Variants in ADAMTS2 observed in about 807,000 individuals in gnomAD.
The protein encoded by ADAMTS2 is A disintegrin and metalloproteinase with thrombospondin motifs 2.
Under a neutral mutation model 123.0 loss-of-function variants are expected in ADAMTS2, and 50 were observed. The ratio of observed to expected loss-of-function variants is 0.41; its 90% CI spans 0.32 to 0.51. The LOEUF (loss-of-function observed/expected upper bound fraction) is 0.51, where lower values mean the gene tolerates loss of function less well. Ranked by LOEUF, ADAMTS2 falls within the 20% of genes least tolerant of loss-of-function variation. The pLI, the probability that ADAMTS2 is intolerant of heterozygous loss-of-function variation, is 0.35. For missense variants in ADAMTS2, 1,494 were observed against 1,705.2 expected (o/e 0.88, Z 2.18); for synonymous variants, 678 against 695.4 (o/e 0.98, Z 0.39).
chr5:179,148,564 C>T (rs763378307), intron 10 of ADAMTS2, among the ~76,000 whole-genome samples: 2 of 152,158 alleles, frequency 1.3e-5, no homozygotes, highest in Admixed American at 6.5e-5. Flanking sequence ...TGAAAGTGCG[C>T]CCTGGAATTC....
intron 2 of ADAMTS2, among the ~76,000 whole-genome samples, chr5:179,278,195 A>G (rs35303320): frequency 0.32 from 40,812 of 125,746 alleles, 7,911 homozygotes; most frequent in Admixed American, 0.41. Context: ...GACCCCCCCA[A>G]GACCATCAGC....
At chr5:179,287,399 C>G (rs1443134314) in intron 2 of ADAMTS2, among the ~76,000 whole-genome samples, 1 of 152,214 alleles carries the variant, frequency 6.6e-6, no homozygotes, top group Non-Finnish European at 1.5e-5. Flanking sequence ...GGCCTCAGGA[C>G]CCCTCCGCCA....
chr5:179,132,094 G>T lies in ADAMTS2; in HGVS notation c.2290+136C>A. ...CCAGGTGGGCTGAGCAGAGGGACAG[G>T]TTGGGGAGGGGCTGCCCTGGCTCAG... On this transcript the variant is annotated intron_variant, in intron 15 of 21. Coordinates refer to ENST00000251582, the MANE Select transcript of ADAMTS2 (RefSeq NM_014244.5). This position sits in a 1 kb window ranked among gnomAD's most constrained non-coding sequence, Gnocchi z 6.1. 1 of 836,570 alleles carries T rather than the reference G, an allele frequency of 1.2e-6. No homozygotes were observed. The highest frequency in any genetic ancestry group is 2.0e-6 in the Non-Finnish European group (1 of 507,126). The allele number at this position is 836,570 out of a possible 1,614,324, so 51.8% of individuals were successfully genotyped here.
chr5:179,253,109 C>T (rs1456449497), intron 3 of ADAMTS2, among the ~76,000 whole-genome samples: 3 of 152,192 alleles, frequency 2.0e-5, no homozygotes, highest in Admixed American at 6.5e-5. Flanking sequence ...CCATACTTTA[C>T]TTTCCACTTT....
chr5:179,284,942 G>A (rs996895731), intron 2 of ADAMTS2, among the ~76,000 whole-genome samples: 1 of 152,258 alleles, frequency 6.6e-6, no homozygotes, highest in Non-Finnish European at 1.5e-5. Flanking sequence ...ACTCTGCCTC[G>A]ATTCAAATGT....
At chr5:179,156,872 C>T (rs1220851603) in intron 6 of ADAMTS2, among the ~76,000 whole-genome samples, 4 of 150,014 alleles carry the variant, frequency 2.7e-5, no homozygotes, top group Admixed American at 2.0e-4. Flanking sequence ...TGTTTTACAT[C>T]TTGGTCCATC....
chr5:179,148,070 C>T (rs985786916), intron 10 of ADAMTS2, among the ~76,000 whole-genome samples: 3 of 152,070 alleles, frequency 2.0e-5, no homozygotes, highest in South Asian at 2.1e-4. Context: ...CATGGCTCCC[C>T]ACTCGCAGCA....
In ADAMTS2 at chr5:179,262,982, CTATTATTCCCCCATGATTTGGGGAGCAG is replaced by C. The variant is rs1246621798; in HGVS notation, c.688+9901_688+9928del. On this transcript the variant is annotated intron_variant, in intron 3 of 21. Transcript: ENST00000251582. The surrounding 1 kb of genome is among the most constrained non-coding windows in gnomAD (Gnocchi z 5.9). Reference sequence around the variant, plus strand: ...CCCCTAAGCAGTAGAGCTGCTAATGCTATTATTCCCCCATGATTTGGGGAGCAGTATTATTCCCCCATGATTTGGGGAG... The same window carrying C: ...CCCCTAAGCAGTAGAGCTGCTAATGCTATTATTCCCCCATGATTTGGGGAG... Among the ~76,000 whole-genome samples, 2,557 of 150,800 alleles carry C rather than the reference CTATTATTCCCCCATGATTTGGGGAGCAG, an allele frequency of 0.017. 18 individuals are homozygous for C. Among genetic ancestry groups the C allele is most frequent in the Middle Eastern group, 0.057 (16 of 282 alleles).
intron 3 of ADAMTS2, among the ~76,000 whole-genome samples, chr5:179,250,336 T>C (rs895758114): frequency 1.3e-5 from 2 of 151,886 alleles, no homozygotes; most frequent in Non-Finnish European, 2.9e-5. Flanking sequence ...AATAAATAAA[T>C]AAAAGGCATC....
intron 4 of ADAMTS2, among the ~76,000 whole-genome samples, chr5:179,187,984 G>A (rs1282943059): frequency 6.6e-6 from 1 of 152,154 alleles, no homozygotes; most frequent in Non-Finnish European, 1.5e-5. Context: ...CCTGGGAGGT[G>A]GCCTGCGGCT....
intron 3 of ADAMTS2, among the ~76,000 whole-genome samples, chr5:179,213,084 C>T (rs1342012646): frequency 4.6e-5 from 7 of 152,034 alleles, no homozygotes; most frequent in African/African-American, 9.7e-5. Flanking sequence ...CACTAGGGGA[C>T]GACAGGGACA....
At chr5:179,244,775 A>G (rs1455761776) in intron 3 of ADAMTS2, among the ~76,000 whole-genome samples, 1 of 152,232 alleles carries the variant, frequency 6.6e-6, no homozygotes, top group Non-Finnish European at 1.5e-5. Flanking sequence ...GGAGTAAAAA[A>G]ATGACACCAG....
chr5:179,201,083 A>G (rs1164192078), intron 4 of ADAMTS2, among the ~76,000 whole-genome samples: 1 of 152,246 alleles, frequency 6.6e-6, no homozygotes, highest in Non-Finnish European at 1.5e-5. Flanking sequence ...TAATTAAATT[A>G]CCACTGCTCA....
At position 179,225,818 on chromosome 5, in the gene ADAMTS2, C is replaced by T. The variant is rs902411862; in HGVS notation, c.689-18103G>A. Among the ~76,000 whole-genome samples, 1 of 152,192 alleles carries T rather than the reference C, an allele frequency of 6.6e-6. No homozygotes were observed. The highest frequency in any genetic ancestry group is 2.4e-5 in the African/African-American group (1 of 41,450). On this transcript the variant is annotated intron_variant, in intron 3 of 21. Transcript: ENST00000251582. This position sits in a 1 kb window ranked among gnomAD's most constrained non-coding sequence, Gnocchi z 4.5. ...ACCTCGCACTCATTCTCCAAGCCCA[C>T]GTGTGATCTGATTCTTCCAGGACAT...
chr5:179,253,854 C>T (rs919209336), intron 3 of ADAMTS2, among the ~76,000 whole-genome samples: 5 of 152,168 alleles, frequency 3.3e-5, no homozygotes, highest in South Asian at 4.1e-4. Context: ...ATCTGATCAT[C>T]GGCTCCAGTC....
intron 2 of ADAMTS2, among the ~76,000 whole-genome samples, chr5:179,292,713 T>A (rs898040859): frequency 6.6e-6 from 1 of 151,924 alleles, no homozygotes; most frequent in Non-Finnish European, 1.5e-5. Flanking sequence ...TTGCCCAAGG[T>A]GACTCTCTCT....
intron 3 of ADAMTS2, among the ~76,000 whole-genome samples, chr5:179,249,791 T>C (rs1400304670): frequency 6.6e-6 from 1 of 152,182 alleles, no homozygotes; most frequent in African/African-American, 2.4e-5. Context: ...TAGGACCAGA[T>C]GGCTTTACTG....
rs377691051 is a variant in ADAMTS2 at position 179,175,255 on chromosome 5, C to T, written c.975+5817G>A. 3.3e-5 allele frequency among the ~76,000 whole-genome samples: 5 copies of T among 150,790 alleles called. No individual in the cohort carries two copies. The highest frequency in any genetic ancestry group is 5.9e-5 in the Non-Finnish European group (4 of 67,692). On this transcript the variant is annotated intron_variant, in intron 5 of 21. Coordinates refer to ENST00000251582, the MANE Select transcript of ADAMTS2 (RefSeq NM_014244.5). The surrounding 1 kb of genome is among the most constrained non-coding windows in gnomAD (Gnocchi z 4.1). ...CGCAGCTGTCTCAGCCATGCTTGAC[C>T]GTTCATGTTCCTTTGGAGGATGTCT...
chr5:179,343,253 C>T (rs753491617), intron 2 of ADAMTS2, among the ~76,000 whole-genome samples: 5 of 152,240 alleles, frequency 3.3e-5, no homozygotes, highest in Admixed American at 6.5e-5. Flanking sequence ...CCACCACACA[C>T]ATATCACGCC....
Sources: gnomAD v4.1 joint callset for allele counts (sites outside exome capture counted in the v4.1 genomes callset) on GRCh38, gnomAD v4.1.1 for gene constraint, Gnocchi (gnomAD v3.1) non-coding constraint, MANE v1.5 for transcripts, NCBI Gene and HGNC (gene_info 2026-07-23, HGNC 2026-07-21) for gene names.